LRRTM3: variants seen among roughly 807,000 people sequenced by gnomAD.
LRRTM3 encodes the protein leucine rich repeat transmembrane neuronal 3, also known as leucine-rich repeat transmembrane neuronal protein 3.
In LRRTM3, 24 loss-of-function variants were observed where a neutral mutation model predicts 44.7. The observed-to-expected ratio is 0.54, with a 90% CI of 0.39 to 0.76. The LOEUF (loss-of-function observed/expected upper bound fraction) is 0.76, where lower values mean the gene tolerates loss of function less well. Ranked by LOEUF, LRRTM3 falls within the 30% of genes least tolerant of loss-of-function variation. The pLI, the probability that LRRTM3 is intolerant of heterozygous loss-of-function variation, is 0.00. For missense variants in LRRTM3, 587 were observed against 702.2 expected (o/e 0.84, Z 1.85); for synonymous variants, 277 against 278.7 (o/e 0.99, Z 0.06).
intron 2 of LRRTM3, among the ~76,000 whole-genome samples, chr10:67,050,227 T>C (rs1854999981): frequency 6.6e-6 from 1 of 152,210 alleles, no homozygotes; most frequent in Non-Finnish European, 1.5e-5. Flanking sequence ...GAAAGCATTA[T>C]TCCCAATTTG....
chr10:67,034,292 TC>T (rs1015051197), intron 2 of LRRTM3, among the ~76,000 whole-genome samples: 1 of 152,170 alleles, frequency 6.6e-6, no homozygotes, highest in Admixed American at 6.5e-5. Flanking sequence ...TGCCAAGCAA[TC>T]ATTTATTCAG....
chr10:67,081,257 C>T (rs934696185), intron 2 of LRRTM3, among the ~76,000 whole-genome samples: 2 of 152,142 alleles, frequency 1.3e-5, no homozygotes, highest in African/African-American at 4.8e-5. Context: ...ATTCTCTAAG[C>T]TCATTTCAGG....
chr10:66,992,673 G>A (rs529046663), intron 2 of LRRTM3, among the ~76,000 whole-genome samples: 80 of 152,074 alleles, frequency 5.3e-4, no homozygotes, highest in Middle Eastern at 6.8e-3. Flanking sequence ...TCTTATCACA[G>A]TTTTAACATT....
chr10:66,951,378 A>G (rs566381090), intron 2 of LRRTM3, among the ~76,000 whole-genome samples: 26 of 152,338 alleles, frequency 1.7e-4, no homozygotes, highest in South Asian at 1.2e-3. Context: ...TGCCTCCCAG[A>G]GTGCTGGGAT....
At chr10:67,031,204 T>C (rs949315928) in intron 2 of LRRTM3, among the ~76,000 whole-genome samples, 2 of 152,188 alleles carry the variant, frequency 1.3e-5, no homozygotes, top group African/African-American at 4.8e-5. Context: ...TAAATTGATA[T>C]ATATGTCTAT....
intron 2 of LRRTM3, among the ~76,000 whole-genome samples, chr10:67,093,547 G>A (rs1165314863): frequency 1.3e-5 from 2 of 151,730 alleles, no homozygotes; most frequent in Non-Finnish European, 2.9e-5. Flanking sequence ...TGACAGGAAG[G>A]GATCTACAAG....
intron 2 of LRRTM3, among the ~76,000 whole-genome samples, chr10:67,000,823 TA>T (rs1210828313): frequency 2.0e-5 from 3 of 152,146 alleles, no homozygotes; most frequent in Non-Finnish European, 4.4e-5. Context: ...TGCAATTCTG[TA>T]AAAGCTAAGG....
intron 2 of LRRTM3, among the ~76,000 whole-genome samples, chr10:66,971,748 C>A (rs534417364): frequency 1.3e-5 from 2 of 152,184 alleles, no homozygotes; most frequent in Admixed American, 6.5e-5. Context: ...TAGTGCCCAA[C>A]AAAGAGAAAA....
intron 2 of LRRTM3, among the ~76,000 whole-genome samples, chr10:66,989,547 G>A (rs1278611041): frequency 6.6e-6 from 1 of 152,124 alleles, no homozygotes; most frequent in Admixed American, 6.5e-5. Flanking sequence ...CCTGATACAT[G>A]TATGAACTCA....
intron 2 of LRRTM3, among the ~76,000 whole-genome samples, chr10:66,966,020 C>T (rs1164533363): frequency 2.0e-5 from 3 of 152,154 alleles, no homozygotes; most frequent in Admixed American, 2.0e-4. Flanking sequence ...GTAGTCAGGA[C>T]TTAAGATTTG....
chr10:66,998,892 T>C (rs913511567), intron 2 of LRRTM3, among the ~76,000 whole-genome samples: 1 of 152,136 alleles, frequency 6.6e-6, no homozygotes, highest in Non-Finnish European at 1.5e-5. Context: ...ACCCTACAAT[T>C]AGAGAACACA....
chr10:67,039,551 C>T (rs1352984300), intron 2 of LRRTM3, among the ~76,000 whole-genome samples: 1 of 152,020 alleles, frequency 6.6e-6, no homozygotes, highest in East Asian at 1.9e-4. Flanking sequence ...GTTGTTGATA[C>T]TTTTTTTGTT....
intron 2 of LRRTM3, among the ~76,000 whole-genome samples, chr10:67,086,680 T>G (rs1341911396): frequency 6.6e-6 from 1 of 151,892 alleles, no homozygotes; most frequent in South Asian, 2.1e-4. Flanking sequence ...CACACAAACA[T>G]AAATGCCAAT....
chr10:67,047,128 T>C (rs1001321185), intron 2 of LRRTM3, among the ~76,000 whole-genome samples: 1 of 152,204 alleles, frequency 6.6e-6, no homozygotes, highest in Non-Finnish European at 1.5e-5. Context: ...ACAGTACACT[T>C]ATCTTCTCCC....
At chr10:66,973,365 A>G (rs138286277) in intron 2 of LRRTM3, among the ~76,000 whole-genome samples, 24 of 152,316 alleles carry the variant, frequency 1.6e-4, no homozygotes, top group African/African-American at 5.5e-4. Flanking sequence ...CATCAATATT[A>G]CAATGAATTC....
chr10:67,046,709 G>C (rs1033280898), intron 2 of LRRTM3, among the ~76,000 whole-genome samples: 5 of 152,182 alleles, frequency 3.3e-5, no homozygotes, highest in African/African-American at 1.2e-4. Flanking sequence ...TAAATGTATT[G>C]ACTCAGCATT....
In LRRTM3 at chr10:67,072,956, C is replaced by A. The variant is rs550141921; in HGVS notation, c.1537-24631C>A. Among the ~76,000 whole-genome samples the A allele has an allele frequency of 5.3e-5, 8 of 152,148 alleles. No homozygotes were observed. The East Asian group carries it at 1.5e-3, about 29-fold the overall frequency. ...TTGGAGAAAGATGTGTGTTTTAGAT[C>A]CCTCAAGTCTCCAGTTTGTCCCAGC... is the stretch of plus-strand genomic sequence containing the variant. On this transcript the variant is annotated intron_variant, in intron 2 of 2. Coordinates refer to ENST00000361320, the MANE Select transcript of LRRTM3 (RefSeq NM_178011.5).
chr10:67,060,489 C>T (rs1218655215), intron 2 of LRRTM3, among the ~76,000 whole-genome samples: 1 of 152,168 alleles, frequency 6.6e-6, no homozygotes, highest in Non-Finnish European at 1.5e-5. Flanking sequence ...AATAGCCATG[C>T]TCATCAAATA....
intron 2 of LRRTM3, among the ~76,000 whole-genome samples, chr10:66,982,843 G>A (rs548674693): frequency 1.3e-5 from 2 of 152,168 alleles, no homozygotes; most frequent in African/African-American, 4.8e-5. Flanking sequence ...GGGACCCTAA[G>A]AGAGAAGCTG....
Sources: gnomAD v4.1 joint callset for allele counts (sites outside exome capture counted in the v4.1 genomes callset) on GRCh38, gnomAD v4.1.1 for gene constraint, MANE v1.5 for transcripts, NCBI Gene and HGNC (gene_info 2026-07-23, HGNC 2026-07-21) for gene names.